SLC24A2: variants seen among roughly 807,000 people sequenced by gnomAD.
SLC24A2 encodes sodium/potassium/calcium exchanger 2.
Under a neutral mutation model 62.0 loss-of-function variants are expected in SLC24A2, and 36 were observed. The observed-to-expected ratio is 0.58, with a 90% CI of 0.44 to 0.77. SLC24A2 has a LOEUF of 0.77. Ranked by LOEUF, SLC24A2 falls within the 30% of genes least tolerant of loss-of-function variation. SLC24A2 has a pLI of 0.00. For missense variants in SLC24A2, 846 were observed against 817.9 expected, an observed-to-expected ratio of 1.03 and a Z score of -0.42; for synonymous variants, 358 against 294.0, an observed-to-expected ratio of 1.22 and a Z score of -2.23.
chr9:20,231,053 G>A, the SLC24A2 span, among the ~76,000 whole-genome samples: 17 of 152,132 alleles, frequency 1.1e-4, no homozygotes, highest in African/African-American at 2.7e-4. Flanking sequence ...TAGATATGCC[G>A]CATTATTTCT....
chr9:20,110,117 G>A, the SLC24A2 span, among the ~76,000 whole-genome samples: 2 of 152,078 alleles, frequency 1.3e-5, no homozygotes, highest in Non-Finnish European at 2.9e-5. Flanking sequence ...CTCATTTCAT[G>A]AAGAACCTGA....
At chr9:19,596,297 T>A (rs1563988565) in intron 5 of SLC24A2, among the ~76,000 whole-genome samples, 1 of 152,230 alleles carries the variant, frequency 6.6e-6, no homozygotes, top group Non-Finnish European at 1.5e-5. Context: ...AAGAATAAGA[T>A]GAACTGATTC....
the SLC24A2 span, among the ~76,000 whole-genome samples, chr9:20,011,984 C>T: frequency 6.6e-6 from 1 of 152,108 alleles, no homozygotes; most frequent in Non-Finnish European, 1.5e-5. Flanking sequence ...CAAAAGTCAA[C>T]ACCTTCTCAT....
chr9:20,238,128 G>T, the SLC24A2 span, among the ~76,000 whole-genome samples: 3 of 152,166 alleles, frequency 2.0e-5, no homozygotes, highest in Non-Finnish European at 4.4e-5. Flanking sequence ...GCCCAGGTCT[G>T]TTCCTGCCTA....
intron 2 of SLC24A2, among the ~76,000 whole-genome samples, chr9:19,673,320 C>T (rs1819469928): frequency 6.8e-6 from 1 of 146,532 alleles, no homozygotes; most frequent in African/African-American, 2.7e-5. Context: ...ACTGCTATTG[C>T]TTTAAAGTTT....
At chr9:20,278,451 C>A in the SLC24A2 span, among the ~76,000 whole-genome samples, 1 of 152,106 alleles carries the variant, frequency 6.6e-6, no homozygotes, top group Non-Finnish European at 1.5e-5. Context: ...ATCAGATACC[C>A]TAAATCACCT....
chr9:19,787,184 G>A (rs1409954), intron 1 of SLC24A2, among the ~76,000 whole-genome samples, 165 bp from the exon 2 acceptor site: 61,516 of 151,950 alleles, frequency 0.4, 12,956 homozygotes, highest in Admixed American at 0.49. Flanking sequence ...GGACAATTAC[G>A]GTACCTACCA....
chr9:19,622,685 T>C (rs1397565555), intron 2 of SLC24A2, among the ~76,000 whole-genome samples: 1 of 152,222 alleles, frequency 6.6e-6, no homozygotes, highest in Non-Finnish European at 1.5e-5. Context: ...TTTATAAATA[T>C]TTATTGTTTC....
At chr9:19,768,588 C>T (rs745520301) in intron 2 of SLC24A2, among the ~76,000 whole-genome samples, 6 of 152,090 alleles carry the variant, frequency 3.9e-5, no homozygotes, top group Admixed American at 6.5e-5. Context: ...GCATCTACAG[C>T]GTGGATACCC....
the SLC24A2 span, among the ~76,000 whole-genome samples, chr9:20,217,215 G>C: frequency 1.3e-5 from 2 of 152,180 alleles, no homozygotes; most frequent in Admixed American, 6.5e-5. Flanking sequence ...GCCAGACATA[G>C]AAATTGCCAA....
At chr9:20,048,935 T>C in the SLC24A2 span, among the ~76,000 whole-genome samples, 1 of 151,624 alleles carries the variant, frequency 6.6e-6, no homozygotes, top group Non-Finnish European at 1.5e-5. Context: ...TTTTATTTAT[T>C]TTTATTTTTT....
At chr9:19,530,536 A>C (rs933083277) in intron 8 of SLC24A2, among the ~76,000 whole-genome samples, 9 of 152,216 alleles carry the variant, frequency 5.9e-5, no homozygotes, top group Non-Finnish European at 1.2e-4. Flanking sequence ...CACAAGTCAG[A>C]ATCAAATCAT....
intron 8 of SLC24A2, among the ~76,000 whole-genome samples, chr9:19,535,441 G>C (rs1282847605): frequency 6.6e-6 from 1 of 152,158 alleles, no homozygotes; most frequent in African/African-American, 2.4e-5. Context: ...CCTATGTCCA[G>C]AATGGTATTG....
the SLC24A2 span, among the ~76,000 whole-genome samples, chr9:19,872,528 T>C: frequency 6.6e-6 from 1 of 152,160 alleles, no homozygotes; most frequent in Admixed American, 6.5e-5. Context: ...TTTTCTGTCC[T>C]TCACTGTACC....
chr9:19,875,044 T>A, the SLC24A2 span, among the ~76,000 whole-genome samples: 129 of 151,752 alleles, frequency 8.5e-4, no homozygotes, highest in African/African-American at 3.0e-3. Flanking sequence ...TTGCCTTATG[T>A]ATTTGTTTTT....
the SLC24A2 span, among the ~76,000 whole-genome samples, chr9:20,182,175 T>C: frequency 1.3e-5 from 2 of 152,230 alleles, no homozygotes; most frequent in Non-Finnish European, 2.9e-5. Flanking sequence ...TTTACACTGT[T>C]GGTGGGAATG....
chr9:19,908,017 G>A, the SLC24A2 span, among the ~76,000 whole-genome samples: 3 of 152,102 alleles, frequency 2.0e-5, no homozygotes, highest in South Asian at 2.1e-4. Flanking sequence ...AAAAGTGCCC[G>A]CATCACAAAG....
intron 2 of SLC24A2, among the ~76,000 whole-genome samples, chr9:19,759,338 T>C (rs143578994): frequency 6.6e-6 from 1 of 152,324 alleles, no homozygotes; most frequent in African/African-American, 2.4e-5. Flanking sequence ...TTAAACACCA[T>C]GATCTCCATA....
At chr9:20,245,628 G>A in the SLC24A2 span, among the ~76,000 whole-genome samples, 57 of 152,194 alleles carry the variant, frequency 3.7e-4, no homozygotes, top group African/African-American at 1.4e-3. Flanking sequence ...TTGGTCTTCA[G>A]ATGTTGTGTT....
Sources: allele counts gnomAD v4.1 joint callset (sites outside exome capture counted in the v4.1 genomes callset), GRCh38; gene constraint gnomAD v4.1.1; transcripts MANE v1.5; gene names NCBI Gene and HGNC (gene_info 2026-07-23, HGNC 2026-07-21).